KANK4: variants seen among roughly 807,000 people sequenced by gnomAD.
KANK4 encodes the protein KN motif and ankyrin repeat domain-containing protein 4.
Under a neutral mutation model 80.8 loss-of-function variants are expected in KANK4, and 50 were observed. The ratio of observed to expected loss-of-function variants is 0.62; its 90% CI spans 0.49 to 0.78. KANK4 has a LOEUF of 0.78. Ranked by LOEUF, KANK4 falls within the 30% of genes least tolerant of loss-of-function variation. KANK4 has a pLI of 0.00. For missense variants in KANK4, 1,196 were observed against 1,240.1 expected (o/e 0.96, Z 0.53); for synonymous variants, 465 against 506.9 (o/e 0.92, Z 1.11).
chr1:62,247,513 G>C lies in KANK4; in HGVS notation c.2842C>G (p.Leu948Val), dbSNP rs751766065. ...HHGNVDLVRL[L>V]LAHPACDSSL... ...CTGTCGCAGGCTGGGTGTGCCAGGA[G>C]CAGCCGCACCAGGTCCACGTTGCCA... Residue 948 changes from leucine to valine, a missense_variant, in exon 9 of 10, where the codon CTC becomes GTC. By Grantham distance (32) the Leu-to-Val change is conservative. Transcript: ENST00000371153. 2 of 1,613,836 alleles carry C rather than the reference G, an allele frequency of 1.2e-6. No individual in the cohort carries two copies. The highest frequency in any genetic ancestry group is 2.7e-5 in the African/African-American group (2 of 74,890).
At chr1:62,254,024 T>C (rs189658540) in intron 7 of KANK4, among the ~76,000 whole-genome samples, 52 of 152,270 alleles carry the variant, frequency 3.4e-4, no homozygotes, top group African/African-American at 1.1e-3. Flanking sequence ...CACGTTTGTG[T>C]GTAACAAACT....
intron 7 of KANK4, among the ~76,000 whole-genome samples, chr1:62,254,737 A>T (rs1325714709): frequency 1.4e-5 from 2 of 145,352 alleles, no homozygotes; most frequent in Non-Finnish European, 3.0e-5. Context: ...ATTTTTTTTT[A>T]ATGTATTTTT....
At chr1:62,282,516 C>CCAGT (rs140733490) in intron 1 of KANK4, among the ~76,000 whole-genome samples, 246 of 151,976 alleles carry the variant, frequency 1.6e-3, no homozygotes, top group African/African-American at 5.5e-3. Flanking sequence ...GGAAAGTGAA[C>CCAGT]CAGTGATGAG....
chr1:62,256,118 C>G (rs1671746514), intron 7 of KANK4, among the ~76,000 whole-genome samples: 1 of 152,130 alleles, frequency 6.6e-6, no homozygotes, highest in Non-Finnish European at 1.5e-5. Flanking sequence ...ATGTGTGGCC[C>G]AAGACAATTC....
intron 8 of KANK4, among the ~76,000 whole-genome samples, chr1:62,252,087 G>A (rs4915605): frequency 0.13 from 19,540 of 152,090 alleles, 1,418 homozygotes; most frequent in Admixed American, 0.18. Flanking sequence ...CTTTGGTAGT[G>A]CATGAGTTTC....
chr1:62,276,900 T>C (rs757145321), intron 2 of KANK4, among the ~76,000 whole-genome samples: 2 of 152,174 alleles, frequency 1.3e-5, no homozygotes, highest in Non-Finnish European at 2.9e-5. Context: ...GGAAGCCCCA[T>C]AATGGAAAGT....
At chr1:62,249,330 C>T (rs1460877012) in intron 8 of KANK4, among the ~76,000 whole-genome samples, 1 of 149,770 alleles carries the variant, frequency 6.7e-6, no homozygotes, top group Non-Finnish European at 1.5e-5. Flanking sequence ...GTTATATACA[C>T]TATATGTGTG....
intron 1 of KANK4, among the ~76,000 whole-genome samples, chr1:62,314,193 T>C (rs1272815569): frequency 6.6e-6 from 1 of 152,126 alleles, no homozygotes; most frequent in Non-Finnish European, 1.5e-5. Flanking sequence ...TTTGTATTTT[T>C]AGTAGAGATG....
chr1:62,275,140 T>C, intron 2 of KANK4, 53 bp from the exon 3 acceptor site: 1 of 1,386,544 alleles, frequency 7.2e-7, no homozygotes, highest in Non-Finnish European at 9.9e-7. Context: ...AATTAAGCAT[T>C]ACAGGGCGAT....
chr1:62,274,828 A>G lies in KANK4; in HGVS notation c.276T>C (p.Ser92=), dbSNP rs1339604674. The stretch of plus-strand genomic sequence containing the variant: ...GTGATGCCTCCCTTGGCACCACGGG[A>G]GACCAGTTTTGGAGGGGCGGGGCTG... ...PPAAPPLQNW[S]PVVPREASLG... Residue 92 remains serine, a synonymous_variant, in exon 3 of 10, where the codon TCT becomes TCC. Coordinates refer to ENST00000371153, the MANE Select transcript of KANK4 (RefSeq NM_181712.5). The G allele has an allele frequency of 6.8e-6, 11 of 1,614,026 alleles. No homozygotes were observed. The highest frequency in any genetic ancestry group is 9.3e-6 in the Non-Finnish European group (11 of 1,179,992).
In KANK4 at chr1:62,319,413, G is replaced by A. The variant is rs1254135656; in HGVS notation, c.-378C>T. 6 of 152,082 alleles carry A rather than the reference G, an allele frequency of 3.9e-5. No homozygotes were observed. In the East Asian group the frequency reaches 9.7e-4, roughly 25 times the overall value. The allele number at this position is 152,082 out of a possible 1,614,324, so 9.4% of individuals were successfully genotyped here. On this transcript the variant is annotated 5_prime_UTR_variant, in exon 1 of 10. Coordinates refer to ENST00000371153, the MANE Select transcript of KANK4 (RefSeq NM_181712.5). ...GCGTCGCCAGCTGCCAACAGCGCCC[G>A]AGTCCCCGCCTTCGCTAGGGGAGAA...
At chr1:62,298,903 C>G (rs573507306) in intron 1 of KANK4, among the ~76,000 whole-genome samples, 2 of 151,646 alleles carry the variant, frequency 1.3e-5, no homozygotes, top group African/African-American at 4.8e-5. Context: ...ATTATTTACT[C>G]TTCTCAAAGA....
intron 2 of KANK4, among the ~76,000 whole-genome samples, 194 bp from the exon 3 acceptor site, chr1:62,275,281 T>C (rs151213380): frequency 1.3e-5 from 2 of 152,236 alleles, no homozygotes; most frequent in Non-Finnish European, 2.9e-5. Context: ...TAAATCAATG[T>C]GTACTTAGCC....
Position 62,236,437 on chromosome 1 carries a change from T to C in KANK4, c.*1840A>G, listed in dbSNP as rs1307003152. Among the ~76,000 whole-genome samples, 1 of 151,758 alleles carries C rather than the reference T, an allele frequency of 6.6e-6. No individual in the cohort carries two copies. The highest frequency in any genetic ancestry group is 1.5e-5 in the Non-Finnish European group (1 of 67,894). On this transcript the variant is annotated 3_prime_UTR_variant, in exon 10 of 10. Coordinates refer to ENST00000371153, the MANE Select transcript of KANK4 (RefSeq NM_181712.5). ...GGTCAAAATAAACTCATTTAAAGCATTTTTTTTCTCATTATTTGCTCCATT... is the reference window on the plus strand; with the variant it reads ...GGTCAAAATAAACTCATTTAAAGCACTTTTTTTCTCATTATTTGCTCCATT...
At chr1:62,310,594 T>G (rs1363720333) in intron 1 of KANK4, among the ~76,000 whole-genome samples, 2 of 152,154 alleles carry the variant, frequency 1.3e-5, no homozygotes, top group African/African-American at 4.8e-5. Flanking sequence ...CACTGGGCAC[T>G]GGGAAGGGGA....
intron 2 of KANK4, among the ~76,000 whole-genome samples, chr1:62,280,656 C>T (rs979040331): frequency 2.0e-5 from 3 of 152,186 alleles, no homozygotes; most frequent in African/African-American, 7.2e-5. Context: ...AGACTGTGGC[C>T]TTCTGCAAGT....
At chr1:62,239,295 T>C (rs1671283520) in intron 9 of KANK4, among the ~76,000 whole-genome samples, 2 of 152,216 alleles carry the variant, frequency 1.3e-5, no homozygotes, top group Admixed American at 1.3e-4. Context: ...TACCATGATA[T>C]GCTATAAGAT....
intron 1 of KANK4, among the ~76,000 whole-genome samples, chr1:62,283,460 C>CGTT (rs1672494727): frequency 2.0e-5 from 3 of 152,140 alleles, no homozygotes; most frequent in African/African-American, 7.2e-5. Context: ...CAAGTCTAGC[C>CGTT]GACTCCAAGC....
At position 62,274,950 on chromosome 1, in the gene KANK4, T is replaced by G. The variant is rs758572783; in HGVS notation, c.154A>C (p.Ile52Leu). The G allele has an allele frequency of 6.8e-6, 11 of 1,614,086 alleles. No homozygotes were observed. In the South Asian group the frequency reaches 1.1e-4, roughly 16 times the overall value. ...YVDDIEKGNT[I>L]KRIPIHRRAK... is the part of the protein sequence containing the mutation. ...CTTCTGTGGATAGGAATTCTTTTGATAGTGTTTCCCTTCTCGATGTCATCC... is the reference window on the plus strand; with the variant it reads ...CTTCTGTGGATAGGAATTCTTTTGAGAGTGTTTCCCTTCTCGATGTCATCC... The change falls in exon 3 of 10, where the codon ATC becomes CTC. Residue 52 changes from isoleucine (I) to leucine (L), a missense_variant. Physicochemically the swap from Ile to Leu is conservative, Grantham distance 5. This residue lies in a region of KANK4 where 1,154 missense variants were observed against 1,179.6 expected (regional missense o/e 0.98). Coordinates refer to ENST00000371153, the MANE Select transcript of KANK4 (RefSeq NM_181712.5).
Sources: gnomAD v4.1 joint callset for allele counts (sites outside exome capture counted in the v4.1 genomes callset) on GRCh38, gnomAD v4.1.1 for gene constraint, gnomAD v4.1.1 regional missense constraint, MANE v1.5 for transcripts, NCBI Gene and HGNC (gene_info 2026-07-23, HGNC 2026-07-21) for gene names.